Variants in CRYBG2 observed in about 807,000 individuals in gnomAD.
CRYBG2 encodes beta/gamma crystallin domain-containing protein 2.
A neutral mutation model predicts 153.4 loss-of-function variants in CRYBG2; 106 were observed. The observed-to-expected ratio is 0.69, with a 90% CI of 0.59 to 0.81. CRYBG2 has a LOEUF of 0.81. CRYBG2 is among the 30% of genes least tolerant of loss of function. The pLI, the probability that CRYBG2 is intolerant of heterozygous loss-of-function variation, is 0.00. For missense variants in CRYBG2, 1,996 were observed against 2,112.0 expected (o/e 0.95, Z 1.08); for synonymous variants, 851 against 877.8 (o/e 0.97, Z 0.54).
At chr1:26,342,173 G>A (rs2074139423) in intron 5 of CRYBG2, among the ~76,000 whole-genome samples, 1 of 152,092 alleles carries the variant, frequency 6.6e-6, no homozygotes, top group South Asian at 2.1e-4. Flanking sequence ...TAACCCCCAC[G>A]TTCCCTCCCA....
At position 26,343,413 on chromosome 1, in the gene CRYBG2, C is replaced by A. The variant is rs564718692; in HGVS notation, c.2914-120G>T. 1.5e-4 allele frequency: 180 copies of A among 1,215,110 alleles called. No individual in the cohort carries two copies. The Admixed American group carries it at 1.8e-3, about 12-fold the overall frequency. The allele number at this position is 1,215,110 out of a possible 1,614,324, so 75.3% of individuals were successfully genotyped here. On this transcript the variant is annotated intron_variant, in intron 2 of 19. Transcript: ENST00000308182. The surrounding 1 kb of genome is among the most constrained non-coding windows in gnomAD (Gnocchi z 4.1). ...TTAACCTCCACCCGCAAGGAGCTGG[C>A]GCATAGAGGATGCTCACACTTGTTC... is the stretch of plus-strand genomic sequence containing the variant.
Position 26,337,660 on chromosome 1 carries a change from C to T in CRYBG2, c.3522G>A (p.Glu1174=), listed in dbSNP as rs139460101. The change falls in exon 9 of 20, where the codon GAG becomes GAA. Residue 1174 remains glutamate, a synonymous_variant. Transcript: ENST00000308182. ...KPGEPRAVVY[E]APGFQGRSWE... ...AGCTGCGGCCCTGAAAGCCTGGGGC[C>T]TCATACACCACAGCCTGGGGGAAAG... 6.1e-4 allele frequency: 978 copies of T among 1,612,068 alleles called. No individual in the cohort carries two copies. Among genetic ancestry groups the T allele is most frequent in the Middle Eastern group, 9.9e-4 (6 of 6,060 alleles).
Position 26,336,536 on chromosome 1 carries a change from G to A in CRYBG2, c.4038+70C>T. ...GTCCTCCAGCCCGCTACCTCTGCGTGGGGGCGGGGCGCACCCGAACTCCAG... is the reference window on the plus strand; with the variant it reads ...GTCCTCCAGCCCGCTACCTCTGCGTAGGGGCGGGGCGCACCCGAACTCCAG... On this transcript the variant is annotated intron_variant, in intron 12 of 19. Coordinates refer to ENST00000308182, the MANE Select transcript of CRYBG2 (RefSeq NM_001039775.4). This position sits in a 1 kb window ranked among gnomAD's most constrained non-coding sequence, Gnocchi z 4.9. The A allele has an allele frequency of 6.5e-7, 1 of 1,540,752 alleles. No individual in the cohort carries two copies. The highest frequency in any genetic ancestry group is 8.8e-7 in the Non-Finnish European group (1 of 1,142,060).
chr1:26,345,257 G>C lies in CRYBG2; in HGVS notation c.1401C>G (p.Pro467=), dbSNP rs551809456. The C allele has an allele frequency of 4.6e-6, 7 of 1,527,074 alleles. No individual in the cohort carries two copies. The highest frequency in any genetic ancestry group is 6.2e-6 in the Non-Finnish European group (7 of 1,126,982). 94.6% of individuals were successfully genotyped at this position (1,527,074 alleles called of 1,614,324 possible). A position where few individuals can be genotyped will look rare whatever the true frequency, so the allele number is the denominator to read the frequency against. ...PFTQREVVKG[P]GAPAASSPTR... is the part of the protein sequence containing the mutation. ...TGGGAGATGAGGCAGCAGGAGCACC[G>C]GGGCCCTTCACGACCTCCCTCTGGG... Residue 467 remains proline, a synonymous_variant, in exon 2 of 20, where the codon CCC becomes CCG. Coordinates refer to ENST00000308182, the MANE Select transcript of CRYBG2 (RefSeq NM_001039775.4).
Position 26,343,415 on chromosome 1 carries a change from CAT to C in CRYBG2, c.2914-124_2914-123del, listed in dbSNP as rs1055674807. 3.3e-6 allele frequency: 4 copies of C among 1,205,010 alleles called. 1 individual carries two copies. In the African/African-American group the frequency reaches 6.0e-5, roughly 18 times the overall value. The allele number at this position is 1,205,010 out of a possible 1,614,324, so 74.6% of individuals were successfully genotyped here. A position where few individuals can be genotyped will look rare whatever the true frequency, so the allele number is the denominator to read the frequency against. On this transcript the variant is annotated intron_variant, in intron 2 of 19. Transcript: ENST00000308182. The surrounding 1 kb of genome is among the most constrained non-coding windows in gnomAD (Gnocchi z 4.1). ...AACCTCCACCCGCAAGGAGCTGGCG[CAT>C]AGAGGATGCTCACACTTGTTCCCAA...
At chr1:26,332,099 A>C (rs1009800071) in intron 14 of CRYBG2, among the ~76,000 whole-genome samples, 1 of 152,114 alleles carries the variant, frequency 6.6e-6, no homozygotes, top group African/African-American at 2.4e-5. Flanking sequence ...CGAGGTCAGG[A>C]GATCGAGACC....
At position 26,336,136 on chromosome 1, in the gene CRYBG2, G is replaced by T; in HGVS notation, c.4143C>A (p.Pro1381=). 2 of 1,528,468 alleles carry T rather than the reference G, an allele frequency of 1.3e-6. No homozygotes were observed. The highest frequency in any genetic ancestry group is 2.4e-5 in the East Asian group (1 of 40,864). The allele number at this position is 1,528,468 out of a possible 1,614,324, so 94.7% of individuals were successfully genotyped here. A position where few individuals can be genotyped will look rare whatever the true frequency, so the allele number is the denominator to read the frequency against. ...GGCAGGACTGAGGTCGGAAGGAGGC[G>T]GGCAGAGCGGCCTGGTCATCTTCGA... The part of the protein sequence containing the change: ...FSFEDDQAAL[P]ASFRPQSCRV... Residue 1381 remains proline, a synonymous_variant, in exon 14 of 20, where the codon CCC becomes CCA. Transcript: ENST00000308182. The surrounding 1 kb of genome is among the most constrained non-coding windows in gnomAD (Gnocchi z 4.9).
rs780656240 is a variant in CRYBG2 at position 26,336,424 on chromosome 1, T to A, written c.4039-54A>T. 1 of 1,601,388 alleles carries A rather than the reference T, an allele frequency of 6.2e-7. No homozygotes were observed. The highest frequency in any genetic ancestry group is 8.5e-7 in the Non-Finnish European group (1 of 1,174,010). On this transcript the variant is annotated intron_variant, in intron 12 of 19. Coordinates refer to ENST00000308182, the MANE Select transcript of CRYBG2 (RefSeq NM_001039775.4). This position sits in a 1 kb window ranked among gnomAD's most constrained non-coding sequence, Gnocchi z 4.9. ...GGGAGGGTGCCGGCCCCTAGCCTTG[T>A]CTTCTCTAGGTTTCAGTACCGTCCA...
Position 26,352,570 on chromosome 1 carries a change from C to A in CRYBG2, c.-56+1466G>T, listed in dbSNP as rs141115313. On this transcript the variant is annotated intron_variant, in intron 1 of 19. Coordinates refer to ENST00000308182, the MANE Select transcript of CRYBG2 (RefSeq NM_001039775.4). ...ACTTCTTCTCGACTCCCATATTTGC[C>A]AATCTTGGCCCAGAGAACCTTCTCC... Among the ~76,000 whole-genome samples the A allele has an allele frequency of 3.3e-5, 5 of 152,246 alleles. No individual in the cohort carries two copies. In the East Asian group the frequency reaches 9.6e-4, roughly 29 times the overall value.
At chr1:26,352,124 C>T (rs2074293437) in intron 1 of CRYBG2, among the ~76,000 whole-genome samples, 1 of 152,100 alleles carries the variant, frequency 6.6e-6, no homozygotes, top group African/African-American at 2.4e-5. Context: ...CTGTGAGTCA[C>T]CCCCAAACTA....
Position 26,343,970 on chromosome 1 carries a change from T to A in CRYBG2, c.2688A>T (p.Gly896=). Residue 896 remains glycine (G), a synonymous_variant, in exon 2 of 20, where the codon GGA becomes GGT. Coordinates refer to ENST00000308182, the MANE Select transcript of CRYBG2 (RefSeq NM_001039775.4). The surrounding 1 kb of genome is among the most constrained non-coding windows in gnomAD (Gnocchi z 4.1). ...CAAGACGGGAAGTGGGCCTGCTGCC[T>A]CCCTGCAGTTCCAATCCCAGCTCTG... ...PHSELGLELQ[G]GSRPTSRLGG... is the part of the protein sequence containing the mutation. 6.5e-7 allele frequency: 1 copy of A among 1,537,112 alleles called. No homozygotes were observed. The highest frequency in any genetic ancestry group is 1.2e-5 in the South Asian group (1 of 84,042).
At chr1:26,333,306 C>G (rs2074020841) in intron 14 of CRYBG2, among the ~76,000 whole-genome samples, 1 of 152,084 alleles carries the variant, frequency 6.6e-6, no homozygotes, top group African/African-American at 2.4e-5. Flanking sequence ...TGGCTCACGC[C>G]TATAATCCCA....
At chr1:26,351,755 G>T (rs902271409) in intron 1 of CRYBG2, among the ~76,000 whole-genome samples, 1 of 152,154 alleles carries the variant, frequency 6.6e-6, no homozygotes, top group African/African-American at 2.4e-5. Context: ...TACCTCCAGG[G>T]ACAGGGAGGT....
At chr1:26,353,367 C>T (rs1178924393) in intron 1 of CRYBG2, among the ~76,000 whole-genome samples, 1 of 152,142 alleles carries the variant, frequency 6.6e-6, no homozygotes, top group East Asian at 1.9e-4. Context: ...CATGTTCATC[C>T]CTCCTTGATG....
In CRYBG2 at chr1:26,321,896, T is replaced by G. The variant is rs1015135097; in HGVS notation, c.*72A>C. The stretch of plus-strand genomic sequence containing the variant: ...GCAGCATATTAGAAAATAGCTTATG[T>G]TACAACAAAAACCCTATAAAAACAT... On this transcript the variant is annotated 3_prime_UTR_variant, in exon 20 of 20. Coordinates refer to ENST00000308182, the MANE Select transcript of CRYBG2 (RefSeq NM_001039775.4). 1.5e-6 allele frequency: 2 copies of G among 1,321,018 alleles called. No individual in the cohort carries two copies. Among genetic ancestry groups the G allele is most frequent in the Non-Finnish European group, 2.0e-6 (2 of 980,822 alleles). 81.8% of individuals were successfully genotyped at this position (1,321,018 alleles called of 1,614,324 possible).
chr1:26,345,906 C>G lies in CRYBG2; in HGVS notation c.752G>C (p.Ser251Thr). The G allele has an allele frequency of 1.9e-6, 3 of 1,597,532 alleles. No individual in the cohort carries two copies. The highest frequency in any genetic ancestry group is 2.5e-6 in the Non-Finnish European group (3 of 1,179,384). The change falls in exon 2 of 20, where the codon AGT becomes ACT. Residue 251 changes from serine to threonine, a missense_variant. By Grantham distance (58) the Ser-to-Thr change is moderately conservative. Coordinates refer to ENST00000308182, the MANE Select transcript of CRYBG2 (RefSeq NM_001039775.4). ...GCCAGCCGTGGGCCTGGGCAGGTGA[C>G]TGGCAGGGGGGCTGTGCCCAGCAGG... ...LVPAGHSPPA[S>T]HLPRPTAGGP...
intron 1 of CRYBG2, among the ~76,000 whole-genome samples, chr1:26,350,961 G>A (rs1339318862): frequency 6.6e-6 from 1 of 152,112 alleles, no homozygotes; most frequent in East Asian, 1.9e-4. Context: ...GGCCACAGCA[G>A]TGACTCAGGC....
intron 6 of CRYBG2, among the ~76,000 whole-genome samples, chr1:26,338,979 G>A (rs777343607): frequency 6.6e-6 from 1 of 152,178 alleles, no homozygotes; most frequent in Non-Finnish European, 1.5e-5. Flanking sequence ...AGGCATCAGG[G>A]ATACAGTGGT....
At chr1:26,323,379 C>G (rs1351538578) in intron 18 of CRYBG2, among the ~76,000 whole-genome samples, 1 of 152,144 alleles carries the variant, frequency 6.6e-6, no homozygotes, top group African/African-American at 2.4e-5. Flanking sequence ...GCCACTGCAC[C>G]TGGCCTATTC....
Sources: allele counts gnomAD v4.1 joint callset (sites outside exome capture counted in the v4.1 genomes callset), GRCh38; gene constraint gnomAD v4.1.1; non-coding constraint Gnocchi (gnomAD v3.1); transcripts MANE v1.5; gene names NCBI Gene and HGNC (gene_info 2026-07-23, HGNC 2026-07-21).